ZNF536: variants seen among roughly 807,000 people sequenced by gnomAD.
The protein encoded by ZNF536 is zinc finger protein 536.
ZNF536 carries 13 observed loss-of-function variants against 84.5 expected under a neutral mutation model. That is an observed-to-expected ratio of 0.15 (90% CI 0.10 to 0.24). The LOEUF (loss-of-function observed/expected upper bound fraction) is 0.24, where lower values mean the gene tolerates loss of function less well. ZNF536 is among the 10% of genes least tolerant of loss of function. ZNF536 has a pLI of 1.00. For synonymous variants in ZNF536, 811 were observed against 742.5 expected (o/e 1.09, Z -1.50); for missense variants, 1,536 against 1,747.5 (o/e 0.88, Z 2.16).
chr19:30,322,134 G>T (rs2087331152), intron 2 of ZNF536, among the ~76,000 whole-genome samples: 1 of 152,054 alleles, frequency 6.6e-6, no homozygotes, highest in African/African-American at 2.4e-5. Context: ...TGTACCACTA[G>T]CTTTCAGTCT....
intron 1 of ZNF536, among the ~76,000 whole-genome samples, chr19:30,691,746 GA>G (rs71333465): frequency 4.9e-4 from 73 of 149,934 alleles, no homozygotes; most frequent in Non-Finnish European, 7.1e-4. Context: ...TAAAAGCAAA[GA>G]AAAAAAAATG....
rs2146375163 is a variant in ZNF536 at position 30,557,234 on chromosome 19, G to C, written c.*70G>C. 2 of 1,551,914 alleles carry C rather than the reference G, an allele frequency of 1.3e-6. No homozygotes were observed. Among genetic ancestry groups the C allele is most frequent in the Middle Eastern group, 3.4e-4 (2 of 5,896 alleles). The stretch of plus-strand genomic sequence containing the variant: ...TCGTGGTCCTCGGTGGTTATCTGCA[G>C]CTTGTTAATCGTGTAAAGTCAAGAG... On this transcript the variant is annotated 3_prime_UTR_variant, in exon 5 of 5. Coordinates refer to ENST00000355537, the MANE Select transcript of ZNF536 (RefSeq NM_014717.3).
intron 1 of ZNF536, among the ~76,000 whole-genome samples, chr19:30,430,956 A>G (rs2051431291): frequency 6.6e-6 from 1 of 152,226 alleles, no homozygotes; most frequent in Non-Finnish European, 1.5e-5. Flanking sequence ...GATTATTGGC[A>G]TGAGCCACCT....
chr19:30,386,874 G>A (rs150933718), intron 1 of ZNF536, among the ~76,000 whole-genome samples: 2 of 152,356 alleles, frequency 1.3e-5, no homozygotes, highest in South Asian at 2.1e-4. Context: ...CTATTACAGC[G>A]GAAACAGTGG....
chr19:30,459,602 TG>T (rs1160410799), intron 2 of ZNF536, among the ~76,000 whole-genome samples: 3 of 151,972 alleles, frequency 2.0e-5, no homozygotes, highest in African/African-American at 7.3e-5. Flanking sequence ...CCACCTGCCT[TG>T]GCCTCCCAAA....
At chr19:30,585,427 A>G (rs768467981) in intron 1 of ZNF536, among the ~76,000 whole-genome samples, 1 of 152,188 alleles carries the variant, frequency 6.6e-6, no homozygotes, top group Non-Finnish European at 1.5e-5. Flanking sequence ...TGAACAAATG[A>G]ATGAAGTAAA....
chr19:30,385,848 G>T (rs1327274511), intron 1 of ZNF536, among the ~76,000 whole-genome samples: 1 of 152,088 alleles, frequency 6.6e-6, no homozygotes, highest in African/African-American at 2.4e-5. Context: ...ATGCTGCTTT[G>T]GGTCCCCAGC....
chr19:30,399,828 CA>C (rs2049975423), intron 1 of ZNF536, among the ~76,000 whole-genome samples: 1 of 151,954 alleles, frequency 6.6e-6, no homozygotes, highest in Non-Finnish European at 1.5e-5. Flanking sequence ...GCTGGGATTA[CA>C]GGCGCCCACC....
intron 2 of ZNF536, among the ~76,000 whole-genome samples, chr19:30,457,883 G>T (rs891028839): frequency 6.6e-6 from 1 of 152,180 alleles, no homozygotes; most frequent in African/African-American, 2.4e-5. Flanking sequence ...ATGTCAGAAC[G>T]TCCATCTGCA....
chr19:30,446,522 C>T (rs1292103259), intron 2 of ZNF536, among the ~76,000 whole-genome samples: 2 of 152,020 alleles, frequency 1.3e-5, no homozygotes, highest in African/African-American at 2.4e-5. Context: ...TTCTCTCATG[C>T]AGGCACCGCA....
chr19:30,304,320 C>T (rs557996756), intron 2 of ZNF536, among the ~76,000 whole-genome samples: 20 of 152,338 alleles, frequency 1.3e-4, no homozygotes, highest in East Asian at 3.9e-4. Context: ...CCATTGGAGC[C>T]GGGCTCACAC....
chr19:30,375,928 G>A (rs2048802095), intron 1 of ZNF536, among the ~76,000 whole-genome samples: 1 of 152,034 alleles, frequency 6.6e-6, no homozygotes, highest in Non-Finnish European at 1.5e-5. Flanking sequence ...GTGACTGTGT[G>A]TGCTCATGTG....
At chr19:30,533,668 T>A (rs1411846207) in intron 2 of ZNF536, among the ~76,000 whole-genome samples, 1 of 152,158 alleles carries the variant, frequency 6.6e-6, no homozygotes. Flanking sequence ...AAGGCACAGA[T>A]CTTATTTATT....
intron 1 of ZNF536, among the ~76,000 whole-genome samples, chr19:30,406,234 A>T (rs1157504572): frequency 6.6e-6 from 1 of 152,200 alleles, no homozygotes; most frequent in East Asian, 1.9e-4. Flanking sequence ...GGGCACCAAG[A>T]AAAGGGAACA....
intron 1 of ZNF536, among the ~76,000 whole-genome samples, chr19:30,263,892 A>ACC (rs918770879): frequency 6.6e-6 from 1 of 152,054 alleles, no homozygotes; most frequent in African/African-American, 2.4e-5. Context: ...ACACACACAC[A>ACC]CACACACACA....
chr19:30,537,520 A>G (rs1194193865), intron 3 of ZNF536, among the ~76,000 whole-genome samples: 2 of 152,328 alleles, frequency 1.3e-5, no homozygotes, highest in East Asian at 3.9e-4. Context: ...AGAGTCAGTG[A>G]GGAAAGGCGG....
upstream of ZNF536, among the ~76,000 whole-genome samples, chr19:30,369,384 T>G (rs544942054): frequency 7.9e-5 from 12 of 152,364 alleles, no homozygotes; most frequent in East Asian, 5.8e-4. Context: ...GTAACACTTT[T>G]CTGAAAACCA....
intron 2 of ZNF536, among the ~76,000 whole-genome samples, chr19:30,504,420 T>TTTCC (rs34403079): frequency 2.3e-4 from 26 of 115,206 alleles, no homozygotes; most frequent in East Asian, 1.4e-3. Flanking sequence ...CTCCTCCCTC[T>TTTCC]TTCCTTCCTT....
In ZNF536 at chr19:30,599,740, CG is replaced by C. The variant is rs150934223; in HGVS notation, c.169+50227del. Among the ~76,000 whole-genome samples the C allele has an allele frequency of 2.8e-4, 43 of 152,208 alleles. No homozygotes were observed. The East Asian group carries it at 8.2e-3, about 29-fold the overall frequency. The stretch of plus-strand genomic sequence containing the variant: ...AATGCGGAAAACAATGGCAGACAGT[CG>C]AGGACCTGATGAGGTTCTGTACATT... On this transcript the variant is annotated intron_variant, in intron 1 of 1. Transcript: ENST00000592773.
Sources: allele counts gnomAD v4.1 joint callset (sites outside exome capture counted in the v4.1 genomes callset), GRCh38; gene constraint gnomAD v4.1.1; transcripts MANE v1.5; gene names NCBI Gene and HGNC (gene_info 2026-07-23, HGNC 2026-07-21).